PTPRD: variants seen among roughly 807,000 people sequenced by gnomAD.
PTPRD encodes receptor-type tyrosine-protein phosphatase delta.
A neutral mutation model predicts 214.5 loss-of-function variants in PTPRD; 34 were observed. That is an observed-to-expected ratio of 0.16 (90% CI 0.12 to 0.21). PTPRD has a LOEUF of 0.21. Among genes scored for constraint, PTPRD ranks in the 10% least tolerant of loss-of-function variants. PTPRD has a pLI of 1.00. For missense variants in PTPRD, 2,545 were observed against 2,398.7 expected (o/e 1.06, Z -1.27); for synonymous variants, 1,128 against 845.7 (o/e 1.33, Z -5.79).
At position 8,349,386 on chromosome 9, in the gene PTPRD, T is replaced by C. The variant is rs79181310; in HGVS notation, c.4662-7408A>G. On this transcript the variant is annotated intron_variant, in intron 39 of 45. Coordinates refer to ENST00000381196, the MANE Select transcript of PTPRD (RefSeq NM_002839.4). ...TTTTGTTTCCTTCTCCAATTTACTCTTTTTTTGTTCACCCATCAGTATCTG... is the reference window on the plus strand; with the variant it reads ...TTTTGTTTCCTTCTCCAATTTACTCCTTTTTTGTTCACCCATCAGTATCTG... 4.8e-3 allele frequency among the ~76,000 whole-genome samples: 737 copies of C among 152,270 alleles called. 6 individuals carry two copies. The highest frequency in any genetic ancestry group is 0.016 in the African/African-American group (670 of 41,570).
At chr9:9,069,732 T>C (rs943101993) in intron 10 of PTPRD, among the ~76,000 whole-genome samples, 2 of 152,182 alleles carry the variant, frequency 1.3e-5, no homozygotes, top group Non-Finnish European at 2.9e-5. Context: ...TGTTAGAATG[T>C]AAAGATGAAG....
chr9:9,298,367 G>A (rs1415824511), intron 9 of PTPRD, among the ~76,000 whole-genome samples: 1 of 151,562 alleles, frequency 6.6e-6, no homozygotes, highest in African/African-American at 2.4e-5. Flanking sequence ...GATTCTCTGA[G>A]ACAAATCTTT....
intron 39 of PTPRD, among the ~76,000 whole-genome samples, chr9:8,352,993 C>T (rs1251976880): frequency 2.0e-5 from 3 of 152,084 alleles, no homozygotes; most frequent in Non-Finnish European, 4.4e-5. Context: ...TGCCTGCAGT[C>T]CCAGCTACTA....
chr9:9,285,088 T>C (rs1416152910), intron 9 of PTPRD, among the ~76,000 whole-genome samples: 1 of 151,820 alleles, frequency 6.6e-6, no homozygotes, highest in Non-Finnish European at 1.5e-5. Flanking sequence ...GTATGTAATA[T>C]AAAACCTCAC....
At chr9:9,937,346 A>T (rs1182497143) in intron 5 of PTPRD, among the ~76,000 whole-genome samples, 1 of 138,274 alleles carries the variant, frequency 7.2e-6, no homozygotes, top group East Asian at 2.9e-4. Flanking sequence ...AATTTCTAAA[A>T]TTTAAATATA....
At chr9:10,214,496 G>A (rs1028852800) in intron 3 of PTPRD, among the ~76,000 whole-genome samples, 3 of 145,628 alleles carry the variant, frequency 2.1e-5, no homozygotes, top group Non-Finnish European at 4.5e-5. Context: ...GGTTGATCTC[G>A]AACTTCTGAC....
intron 8 of PTPRD, among the ~76,000 whole-genome samples, chr9:9,480,824 G>C (rs894866792): frequency 1.3e-5 from 2 of 152,026 alleles, no homozygotes; most frequent in Non-Finnish European, 2.9e-5. Flanking sequence ...TAAAACATGT[G>C]GTACGTGGAC....
At chr9:9,391,910 G>C (rs1364964603) in intron 9 of PTPRD, among the ~76,000 whole-genome samples, 1 of 152,090 alleles carries the variant, frequency 6.6e-6, no homozygotes, top group East Asian at 1.9e-4. Flanking sequence ...GGTTCACAGA[G>C]AGAACCCTTG....
intron 11 of PTPRD, among the ~76,000 whole-genome samples, chr9:8,808,462 C>CTTTTTTTTTTTTT (rs34627797): frequency 2.0e-5 from 2 of 98,814 alleles, no homozygotes; most frequent in Admixed American, 1.2e-4. Context: ...AGCCCCCCAC[C>CTTTTTTTTTTTTT]TTTTTTTTTT....
rs559059213 is a variant in PTPRD, at chr9:9,091,184, C to G, written c.-142-72449G>C. 4.6e-6 allele frequency: 7 copies of G among 1,529,022 alleles called. No individual in the cohort carries two copies. In the African/African-American group the frequency reaches 9.5e-5, roughly 21 times the overall value. The allele number at this position is 1,529,022 out of a possible 1,614,324, so 94.7% of individuals were successfully genotyped here. ...TCTCGTGAAGTCCGCAAGGACCGAA[C>G]ACCCCCACCCCGATTTAGACCTGCG... On this transcript the variant is annotated intron_variant, in intron 10 of 45. Transcript: ENST00000381196.
chr9:8,887,140 T>C (rs770469531), intron 11 of PTPRD, among the ~76,000 whole-genome samples: 3 of 152,114 alleles, frequency 2.0e-5, no homozygotes, highest in Non-Finnish European at 4.4e-5. Context: ...ATCTAGTACA[T>C]ATAAGGCAAA....
intron 9 of PTPRD, among the ~76,000 whole-genome samples, chr9:9,367,987 G>T (rs1012204398): frequency 6.6e-6 from 1 of 151,754 alleles, no homozygotes; most frequent in Non-Finnish European, 1.5e-5. Flanking sequence ...ATATGTTGAC[G>T]TAAGGACAGC....
chr9:8,840,601 A>G (rs2097539016), intron 11 of PTPRD, among the ~76,000 whole-genome samples: 1 of 152,208 alleles, frequency 6.6e-6, no homozygotes, highest in South Asian at 2.1e-4. Flanking sequence ...CACCTGTTGA[A>G]CATATTCAAA....
chr9:8,333,767 TAA>T (rs1229706507), intron 43 of PTPRD, among the ~76,000 whole-genome samples: 1 of 151,722 alleles, frequency 6.6e-6, no homozygotes, highest in East Asian at 1.9e-4. Flanking sequence ...GCCAATTGGA[TAA>T]AGAGTAAAGA....
At chr9:9,135,311 G>A (rs1354116991) in intron 10 of PTPRD, among the ~76,000 whole-genome samples, 3 of 152,106 alleles carry the variant, frequency 2.0e-5, no homozygotes, top group African/African-American at 7.2e-5. Context: ...AATATCTCTT[G>A]ATTTATCACT....
intron 14 of PTPRD, among the ~76,000 whole-genome samples, chr9:8,558,862 G>C (rs2085031118): frequency 6.6e-6 from 1 of 151,990 alleles, no homozygotes; most frequent in African/African-American, 2.4e-5. Context: ...AATGGTGCTT[G>C]GCATTCTAAA....
intron 10 of PTPRD, among the ~76,000 whole-genome samples, chr9:9,159,335 C>T (rs1330181565): frequency 1.3e-5 from 2 of 152,062 alleles, no homozygotes; most frequent in Non-Finnish European, 2.9e-5. Flanking sequence ...CACCATAAAG[C>T]TGTTAGAACT....
chr9:9,202,114 C>CCA (rs2099942197), intron 9 of PTPRD, among the ~76,000 whole-genome samples: 1 of 152,158 alleles, frequency 6.6e-6, no homozygotes, highest in Non-Finnish European at 1.5e-5. Flanking sequence ...TGTTGGGTAG[C>CCA]ACACACAGAG....
rs146533433 is a variant in PTPRD at position 9,564,209 on chromosome 9, T to A, written c.-237+10523A>T. 4.9e-3 allele frequency among the ~76,000 whole-genome samples: 746 copies of A among 152,236 alleles called. 9 individuals carry two copies. Among genetic ancestry groups the A allele is most frequent in the African/African-American group, 0.017 (698 of 41,552 alleles). On this transcript the variant is annotated intron_variant, in intron 8 of 45. Transcript: ENST00000381196. ...GTGTATTAACTTTGTAGATCCTTAT[T>A]CATTTAACCTGAGGAGGAGCTCACA...
Sources: allele counts gnomAD v4.1 joint callset (sites outside exome capture counted in the v4.1 genomes callset), GRCh38; gene constraint gnomAD v4.1.1; transcripts MANE v1.5; gene names NCBI Gene and HGNC (gene_info 2026-07-23, HGNC 2026-07-21).